The following SYNE3 variants were observed in gnomAD, a reference collection of about 807,000 sequenced individuals.
SYNE3 encodes spectrin repeat containing nuclear envelope family member 3.
SYNE3 carries 100 observed loss-of-function variants against 111.2 expected under a neutral mutation model. The observed-to-expected ratio is 0.90, with a 90% CI of 0.77 to 1.06. SYNE3 has a LOEUF of 1.06. Ranked by LOEUF, SYNE3 falls within the 50% of genes least tolerant of loss-of-function variation. The probability of loss-of-function intolerance (pLI) is 0.00; values close to 1 mark genes in which losing one functional copy is unlikely to be tolerated. For synonymous variants in SYNE3, 547 were observed against 533.9 expected (o/e 1.02, Z -0.34); for missense variants, 1,160 against 1,240.3 (o/e 0.94, Z 0.97).
chr14:95,455,969 C>G (rs747318899), intron 5 of SYNE3: 6 of 505,046 alleles, frequency 1.2e-5, no homozygotes, highest in African/African-American at 3.8e-5. Context: ...AGGAGAAAGT[C>G]TCTGTTGGGT....
intron 1 of SYNE3, among the ~76,000 whole-genome samples, chr14:95,487,725 G>A: frequency 6.6e-6 from 1 of 152,016 alleles, no homozygotes; most frequent in East Asian, 1.9e-4. Context: ...CCCTCTCCCA[G>A]CCACCACTGA....
At chr14:95,508,189 A>C (rs1452382672) in intron 1 of SYNE3, among the ~76,000 whole-genome samples, 1 of 152,234 alleles carries the variant, frequency 6.6e-6, no homozygotes, top group Admixed American at 6.5e-5. Flanking sequence ...GGGTTACTTA[A>C]CCTCTCTGCC....
intron 8 of SYNE3, among the ~76,000 whole-genome samples, chr14:95,447,174 C>T (rs963798297): frequency 1.4e-5 from 2 of 146,934 alleles, no homozygotes; most frequent in Non-Finnish European, 1.5e-5. Context: ...CACTCTGTTG[C>T]CCAGGCTGGA....
chr14:95,460,367 G>GTTT (rs548346693), intron 4 of SYNE3, among the ~76,000 whole-genome samples: 4 of 85,238 alleles, frequency 4.7e-5, no homozygotes, highest in African/African-American at 4.6e-5. Context: ...ACGATGCCTA[G>GTTT]TTTTTTTTTT....
chr14:95,458,569 C>T (rs116190273), intron 4 of SYNE3, among the ~76,000 whole-genome samples: 489 of 152,310 alleles, frequency 3.2e-3, no homozygotes, highest in African/African-American at 0.011. Context: ...TAACCCCAGG[C>T]CCCCTTCTCA....
intron 7 of SYNE3, 174 bp from the exon 8 acceptor site, chr14:95,450,279 A>G: frequency 2.6e-6 from 2 of 762,672 alleles, no homozygotes; most frequent in South Asian, 1.9e-5. Context: ...TGTAGCTGGA[A>G]GGGACTTTGA....
At chr14:95,515,813 C>T (rs542388546) in intron 1 of SYNE3, among the ~76,000 whole-genome samples, 12 of 152,360 alleles carry the variant, frequency 7.9e-5, no homozygotes, top group Non-Finnish European at 1.3e-4. Flanking sequence ...TATTCATTAT[C>T]ACCCCGCCCA....
intron 2 of SYNE3, among the ~76,000 whole-genome samples, chr14:95,468,412 C>G (rs1888327090): frequency 6.6e-6 from 1 of 152,226 alleles, no homozygotes; most frequent in South Asian, 2.1e-4. Context: ...CTGCGAGGAG[C>G]TGGCCCAACC....
chr14:95,442,310 T>C (rs1428880589), intron 11 of SYNE3, among the ~76,000 whole-genome samples: 4 of 152,248 alleles, frequency 2.6e-5, no homozygotes, highest in Non-Finnish European at 5.9e-5. Flanking sequence ...ACTTACATAT[T>C]GGACAATATT....
chr14:95,506,833 T>C (rs1890545470), intron 1 of SYNE3, among the ~76,000 whole-genome samples: 1 of 152,124 alleles, frequency 6.6e-6, no homozygotes, highest in African/African-American at 2.4e-5. Context: ...CCCAGGCCCA[T>C]GGAGGTTATG....
At chr14:95,442,309 T>C (rs1328476780) in intron 11 of SYNE3, among the ~76,000 whole-genome samples, 1 of 152,212 alleles carries the variant, frequency 6.6e-6, no homozygotes, top group African/African-American at 2.4e-5. Context: ...TACTTACATA[T>C]TGGACAATAT....
rs746752810 is a variant in SYNE3, at chr14:95,466,209, C to T, written c.349G>A (p.Glu117Lys). ...RIEWVWLHWS[E>K]YLLARDEFYR... ...AACTCATCTCGGGCCAGCAGGTACT[C>T]GCTCCAGTGCAGCCACACCCACTCG... Residue 117 changes from glutamate to lysine, a missense_variant, in exon 4 of 18, where the codon GAG (glutamate) becomes AAG (lysine). Transcript: ENST00000682763. 11 of 1,585,542 alleles carry T rather than the reference C, an allele frequency of 6.9e-6. No homozygotes were observed. Among genetic ancestry groups the T allele is most frequent in the South Asian group, 3.3e-5 (3 of 89,568 alleles).
rs150889323 is a variant in SYNE3, at chr14:95,431,187, G to T, written c.2727+892C>A. 2.0e-5 allele frequency among the ~76,000 whole-genome samples: 3 copies of T among 152,180 alleles called. 1 individual carries two copies. Among genetic ancestry groups the T allele is most frequent in the East Asian group, 3.8e-4 (2 of 5,202 alleles). On this transcript the variant is annotated intron_variant, in intron 17 of 17. Transcript: ENST00000682763. ...GGAAACAGTGGCACTAGGAGACACCGATTTACACTTGGCTTTTCCAGAAAT... is the reference window on the plus strand; with the variant it reads ...GGAAACAGTGGCACTAGGAGACACCTATTTACACTTGGCTTTTCCAGAAAT...
rs117889467 is a variant in SYNE3 at position 95,499,856 on chromosome 14, C to T, written c.-15+16740G>A. ...AATCCCCTGTATCACTAACTCTTGT[C>T]TTTTTTTTTTTTTTTTTTTTGAGAT... is the stretch of plus-strand genomic sequence containing the variant. On this transcript the variant is annotated intron_variant, in intron 1 of 17. Transcript: ENST00000682763. 1.1e-3 allele frequency among the ~76,000 whole-genome samples: 95 copies of T among 90,056 alleles called. 1 individual carries two copies. Among genetic ancestry groups the T allele is most frequent in the African/African-American group, 2.3e-3 (49 of 21,272 alleles). 59.1% of individuals were successfully genotyped at this position (90,056 alleles called of 152,430 possible).
intron 1 of SYNE3, among the ~76,000 whole-genome samples, chr14:95,483,840 C>T (rs1033448827): frequency 3.9e-5 from 6 of 152,320 alleles, no homozygotes; most frequent in African/African-American, 1.4e-4. Context: ...ACCAGCTAGG[C>T]ATGGTTACAC....
At chr14:95,462,217 C>A (rs1238390937) in intron 4 of SYNE3, among the ~76,000 whole-genome samples, 1 of 152,162 alleles carries the variant, frequency 6.6e-6, no homozygotes, top group East Asian at 1.9e-4. Context: ...TGGCCCCTCC[C>A]CACCTACCCC....
rs143391386 is a variant in SYNE3 at position 95,455,663 on chromosome 14, G to A, written c.851C>T (p.Ala284Val). ...AGGAGAGGTGTTCCGAATGACACCC[G>A]CAGACTGCTCCTCCAGCGTCTCCAG... is the stretch of plus-strand genomic sequence containing the variant. ...ESLETLEEQS[A>V]GVIRNTSPLG... The change falls in exon 6 of 18, where the codon GCG becomes GTG. Residue 284 changes from alanine to valine, a missense_variant. By Grantham distance (64) the Ala-to-Val change is moderately conservative. Coordinates refer to ENST00000682763, the MANE Select transcript of SYNE3 (RefSeq NM_152592.6). 2.4e-5 allele frequency: 39 copies of A among 1,614,074 alleles called. No homozygotes were observed. The South Asian group carries it at 2.7e-4, about 11-fold the overall frequency.
intron 1 of SYNE3, among the ~76,000 whole-genome samples, chr14:95,495,808 G>C (rs1405150862): frequency 6.6e-6 from 1 of 152,254 alleles, no homozygotes; most frequent in East Asian, 1.9e-4. Flanking sequence ...CTGAGAGACA[G>C]ACGGGGTGGA....
chr14:95,476,565 TC>T (rs747632305), intron 1 of SYNE3, among the ~76,000 whole-genome samples: 3 of 152,278 alleles, frequency 2.0e-5, no homozygotes. Context: ...CCATTTGACT[TC>T]CCCTGGGCTA....
Sources: allele counts gnomAD v4.1 joint callset (sites outside exome capture counted in the v4.1 genomes callset), GRCh38; gene constraint gnomAD v4.1.1; transcripts MANE v1.5; gene names NCBI Gene and HGNC (gene_info 2026-07-23, HGNC 2026-07-21).